MRPL38: variants seen among roughly 807,000 people sequenced by gnomAD.
MRPL38 encodes mitochondrial ribosomal protein L38.
In MRPL38, 51 loss-of-function variants were observed where a neutral mutation model predicts 52.1. The ratio of observed to expected loss-of-function variants is 0.98; its 90% CI spans 0.78 to 1.24. The LOEUF (loss-of-function observed/expected upper bound fraction) is 1.24. Among genes scored for constraint, MRPL38 ranks in the 50% most tolerant of loss-of-function variants. MRPL38 has a pLI of 0.00. For missense variants in MRPL38, 527 were observed against 518.6 expected (o/e 1.02, Z -0.16); for synonymous variants, 245 against 212.7 (o/e 1.15, Z -1.32).
intron 2 of MRPL38, chr17:75,902,376 T>C (rs1222533645): frequency 1.8e-6 from 1 of 569,654 alleles, no homozygotes; most frequent in East Asian, 3.0e-5. Flanking sequence ...GTGTTGGGAT[T>C]ACAGTAGTGT....
rs1214305982 is a variant in MRPL38, at chr17:75,902,117, G to T, written c.285C>A (p.Pro95=). ...GTAGCTGTTGGGTCCGGGAGACTTT[G>T]GGTGGAGGCAGCCCAATATCAATCT... is the stretch of plus-strand genomic sequence containing the variant. ...KEKIDIGLPP[P]KVSRTQQLLE... Residue 95 remains proline (P), a synonymous_variant, in exon 3 of 9, where the codon CCC becomes CCA. Transcript: ENST00000309352. 5 of 1,585,890 alleles carry T rather than the reference G, an allele frequency of 3.2e-6. No individual in the cohort carries two copies. The South Asian group carries it at 4.6e-5, about 15-fold the overall frequency.
At chr17:75,903,405 TAAAAC>T (rs557749023) in intron 2 of MRPL38, among the ~76,000 whole-genome samples, 212 of 152,182 alleles carry the variant, frequency 1.4e-3, no homozygotes, top group African/African-American at 4.6e-3. Flanking sequence ...GCCTCTGCCT[TAAAAC>T]AAAACAAAAC....
At position 75,901,315 on chromosome 17, in the gene MRPL38, G is replaced by A; in HGVS notation, c.592-42C>T. 6.3e-7 allele frequency: 1 copy of A among 1,596,958 alleles called. No homozygotes were observed. The highest frequency in any genetic ancestry group is 1.3e-5 in the African/African-American group (1 of 74,684). ...GAAGCTGTCAGCCCCACCAGGGACA[G>A]GCCAGCTGTTGCAGGGAGCCTTGGA... On this transcript the variant is annotated intron_variant, in intron 4 of 8. Transcript: ENST00000309352. This position sits in a 1 kb window ranked among gnomAD's most constrained non-coding sequence, Gnocchi z 5.7.
At position 75,901,072 on chromosome 17, in the gene MRPL38, C is replaced by G. The variant is rs2065401909; in HGVS notation, c.665-45G>C. 6.2e-7 allele frequency: 1 copy of G among 1,600,336 alleles called. No individual in the cohort carries two copies. Among genetic ancestry groups the G allele is most frequent in the Non-Finnish European group, 8.5e-7 (1 of 1,174,282 alleles). On this transcript the variant is annotated intron_variant, in intron 5 of 8. Transcript: ENST00000309352. The surrounding 1 kb of genome is among the most constrained non-coding windows in gnomAD (Gnocchi z 5.7). ...CTGACCACGGCCCAGCCGACCACGG[C>G]CCTGCCACCCCCTCCCTTGTTAGGA...
At chr17:75,899,774 G>A (rs1567852580) in intron 6 of MRPL38, 100 bp from the exon 7 acceptor site, 9 of 1,060,892 alleles carry the variant, frequency 8.5e-6, no homozygotes, top group Non-Finnish European at 1.2e-5. Context: ...GACTCCCTGG[G>A]AGGACAGCTC....
At position 75,898,663 on chromosome 17, in the gene MRPL38, T is replaced by C. The variant is rs572933839; in HGVS notation, c.*187A>G. The C allele has an allele frequency of 8.6e-5, 55 of 638,516 alleles. No individual in the cohort carries two copies. Among genetic ancestry groups the C allele is most frequent in the East Asian group, 6.0e-4 (21 of 35,194 alleles). 39.6% of individuals were successfully genotyped at this position (638,516 alleles called of 1,614,324 possible). A position where few individuals can be genotyped will look rare whatever the true frequency, so the allele number is the denominator to read the frequency against. On this transcript the variant is annotated 3_prime_UTR_variant, in exon 9 of 9. Coordinates refer to ENST00000309352, the MANE Select transcript of MRPL38 (RefSeq NM_032478.4). ...ACCAAGCCCGGCAAGAAATCATGTT[T>C]ATTCACATTCCCCACCCCACCACCT...
At position 75,901,587 on chromosome 17, in the gene MRPL38, G is replaced by A. The variant is rs118118706; in HGVS notation, c.591+125C>T. Reference sequence around the variant, plus strand: ...TTTTCTTTGAAATTGTCATGGTGTCGTCTTCCAGGAAATCAAAGAGACAGA... The same window carrying A: ...TTTTCTTTGAAATTGTCATGGTGTCATCTTCCAGGAAATCAAAGAGACAGA... On this transcript the variant is annotated intron_variant, in intron 4 of 8. Coordinates refer to ENST00000309352, the MANE Select transcript of MRPL38 (RefSeq NM_032478.4). The surrounding 1 kb of genome is among the most constrained non-coding windows in gnomAD (Gnocchi z 5.7). 11,861 of 802,026 alleles carry A rather than the reference G, an allele frequency of 0.015. 138 individuals are homozygous for A. Among genetic ancestry groups the A allele is most frequent in the Middle Eastern group, 0.034 (102 of 3,016 alleles). 49.7% of individuals were successfully genotyped at this position (802,026 alleles called of 1,614,324 possible). A position where few individuals can be genotyped will look rare whatever the true frequency, so the allele number is the denominator to read the frequency against.
At chr17:75,903,721 G>A (rs2065415586) in intron 2 of MRPL38, among the ~76,000 whole-genome samples, 1 of 151,430 alleles carries the variant, frequency 6.6e-6, no homozygotes, top group African/African-American at 2.4e-5. Flanking sequence ...AAAGGTTGGG[G>A]TCTTTTTTTT....
In MRPL38 at chr17:75,904,710, C is replaced by T; in HGVS notation, c.77G>A (p.Gly26Asp). ...WRGFSTSAVL[G>D]RRTPPLGPMP... The stretch of plus-strand genomic sequence containing the variant: ...CGGCCCCAGCGGGGGTGTCCGGCGG[C>T]CCAGGACGGCTGCGGGCAGAGAGAA... The change falls in exon 2 of 9, where the codon GGC becomes GAC. Residue 26 changes from glycine to aspartate, a missense_variant. Transcript: ENST00000309352. 1 of 1,583,018 alleles carries T rather than the reference C, an allele frequency of 6.3e-7. No individual in the cohort carries two copies. The highest frequency in any genetic ancestry group is 2.3e-5 in the East Asian group (1 of 43,944).
In MRPL38 at chr17:75,904,738, C is replaced by T. The variant is rs1894790024; in HGVS notation, c.68-19G>A. ...AGGACGGCTGCGGGCAGAGAGAAGACGTAAGGCCGGCGCCCCACAGCTCGG... is the reference window on the plus strand; with the variant it reads ...AGGACGGCTGCGGGCAGAGAGAAGATGTAAGGCCGGCGCCCCACAGCTCGG... On this transcript the variant is annotated intron_variant, in intron 1 of 8. Coordinates refer to ENST00000309352, the MANE Select transcript of MRPL38 (RefSeq NM_032478.4). The T allele has an allele frequency of 1.3e-6, 2 of 1,503,078 alleles. No homozygotes were observed. The highest frequency in any genetic ancestry group is 1.8e-6 in the Non-Finnish European group (2 of 1,133,822). 93.1% of individuals were successfully genotyped at this position (1,503,078 alleles called of 1,614,324 possible). A position where few individuals can be genotyped will look rare whatever the true frequency, so the allele number is the denominator to read the frequency against.
Position 75,900,847 on chromosome 17 carries a change from C to T in MRPL38, c.710+135G>A, listed in dbSNP as rs78051014. 1,538 of 1,449,580 alleles carry T rather than the reference C, an allele frequency of 1.1e-3. 13 individuals are homozygous for T. The Middle Eastern group carries it at 0.027, about 26-fold the overall frequency. The allele number at this position is 1,449,580 out of a possible 1,614,324, so 89.8% of individuals were successfully genotyped here. On this transcript the variant is annotated intron_variant, in intron 6 of 8. Coordinates refer to ENST00000309352, the MANE Select transcript of MRPL38 (RefSeq NM_032478.4). Reference sequence around the variant, plus strand: ...CGTGGATCCCAGGGCCCCTAACACCCTCAGGAGGCAGAGGTGGCAGGTGAA... The same window carrying T: ...CGTGGATCCCAGGGCCCCTAACACCTTCAGGAGGCAGAGGTGGCAGGTGAA...
At chr17:75,904,764 G>A (rs762001642) in intron 1 of MRPL38, 45 bp from the exon 2 acceptor site, 2 of 1,423,534 alleles carry the variant, frequency 1.4e-6, no homozygotes, top group East Asian at 2.9e-5. Flanking sequence ...CACAGCTCGG[G>A]CGACAGCCCC....
At chr17:75,900,706 G>A in intron 6 of MRPL38, 1 of 1,222,984 alleles carries the variant, frequency 8.2e-7, no homozygotes, top group African/African-American at 1.7e-5. Flanking sequence ...GGGGGACAGA[G>A]TGAGACCCTG....
chr17:75,904,089 C>A, intron 2 of MRPL38: 1 of 365,340 alleles, frequency 2.7e-6, no homozygotes, highest in South Asian at 2.1e-5. Context: ...CAAAGTATTG[C>A]ACATGTACAT....
intron 8 of MRPL38, 84 bp downstream of exon 8, chr17:75,899,074 T>A: frequency 2.0e-6 from 3 of 1,536,174 alleles, no homozygotes; most frequent in Non-Finnish European, 2.6e-6. Flanking sequence ...GCCGCAGCCT[T>A]CCCCTAACAA....
Position 75,898,886 on chromosome 17 carries a change from G to A in MRPL38, c.1107C>T (p.Tyr369=), listed in dbSNP as rs1464461427. The A allele has an allele frequency of 6.2e-7, 1 of 1,611,860 alleles. No individual in the cohort carries two copies. Among genetic ancestry groups the A allele is most frequent in the African/African-American group, 1.3e-5 (1 of 75,002 alleles). Residue 369 remains tyrosine (Y), a synonymous_variant, in exon 9 of 9, where the codon TAC becomes TAT. Transcript: ENST00000309352. ...HRQPLRYLDR[Y]RDSHEPTYGI... is the part of the protein sequence containing the mutation. Reference sequence around the variant, plus strand: ...CATAGGTGGGCTCATGACTGTCCCTGTACCGGTCCAGGTAGCGCAGGGGCT... The same window carrying A: ...CATAGGTGGGCTCATGACTGTCCCTATACCGGTCCAGGTAGCGCAGGGGCT...
At chr17:75,903,147 G>A (rs1174429195) in intron 2 of MRPL38, among the ~76,000 whole-genome samples, 3 of 152,300 alleles carry the variant, frequency 2.0e-5, no homozygotes, top group African/African-American at 7.2e-5. Flanking sequence ...TATGGCTCAC[G>A]CCTGTAATCC....
At chr17:75,904,227 G>A in intron 2 of MRPL38, 1 of 558,594 alleles carries the variant, frequency 1.8e-6, no homozygotes, top group African/African-American at 1.9e-5. Flanking sequence ...GTTACCTACA[G>A]AGTATTTGAG....
At chr17:75,904,258 A>T (rs777889852) in intron 2 of MRPL38, 2 of 583,220 alleles carry the variant, frequency 3.4e-6, no homozygotes, top group Non-Finnish European at 3.3e-6. Context: ...CGGCATCCCA[A>T]TCCGGAAAGT....
Sources: allele counts gnomAD v4.1 joint callset (sites outside exome capture counted in the v4.1 genomes callset), GRCh38; gene constraint gnomAD v4.1.1; non-coding constraint Gnocchi (gnomAD v3.1); transcripts MANE v1.5; gene names NCBI Gene and HGNC (gene_info 2026-07-23, HGNC 2026-07-21).